Variants in CRYBG1 observed in about 807,000 individuals in gnomAD.
The protein encoded by CRYBG1 is crystallin beta-gamma domain containing 1.
Under a neutral mutation model 189.2 loss-of-function variants are expected in CRYBG1, and 139 were observed. That is an observed-to-expected ratio of 0.73 (90% confidence interval 0.64 to 0.85). The LOEUF (loss-of-function observed/expected upper bound fraction) is 0.85. CRYBG1 is among the 40% of genes least tolerant of loss of function. The probability of loss-of-function intolerance (pLI) is 0.00; values close to 1 mark genes in which losing one functional copy is unlikely to be tolerated. For synonymous variants in CRYBG1, 1,023 were observed against 1,017.1 expected, an observed-to-expected ratio of 1.01 and a Z score of -0.11; for missense variants, 2,611 against 2,675.8, an observed-to-expected ratio of 0.98 and a Z score of 0.53.
chr6:106,484,604 G>C (rs774804523), intron 2 of CRYBG1, among the ~76,000 whole-genome samples: 1 of 152,208 alleles, frequency 6.6e-6, no homozygotes, highest in Non-Finnish European at 1.5e-5. Context: ...ACAGGTGTGA[G>C]CCACAGCACC....
chr6:106,479,880 G>T (rs903601671), intron 2 of CRYBG1, among the ~76,000 whole-genome samples: 1 of 152,080 alleles, frequency 6.6e-6, no homozygotes, highest in Non-Finnish European at 1.5e-5. Flanking sequence ...GCATTTTCTT[G>T]AAAGTGTCCT....
intron 2 of CRYBG1, among the ~76,000 whole-genome samples, chr6:106,500,809 A>C (rs940093754): frequency 1.3e-5 from 2 of 152,206 alleles, no homozygotes; most frequent in African/African-American, 4.8e-5. Flanking sequence ...GTTTATCCTT[A>C]AAATAATCCA....
rs1013389023 is a variant in CRYBG1 at position 106,570,829 on chromosome 6, T to A, written c.*2263T>A. On this transcript the variant is annotated 3_prime_UTR_variant, in exon 22 of 22. Transcript: ENST00000633556. ...TTTAGAGAAAAGCCTACATCTAACA[T>A]ACATGCTACCAAACGAGTGTCTAAC... 2.0e-5 allele frequency: 3 copies of A among 152,148 alleles called. No individual in the cohort carries two copies. Among genetic ancestry groups the A allele is most frequent in the African/African-American group, 7.2e-5 (3 of 41,422 alleles). 9.4% of individuals were successfully genotyped at this position (152,148 alleles called of 1,614,324 possible). A position where few individuals can be genotyped will look rare whatever the true frequency, so the allele number is the denominator to read the frequency against.
intron 1 of CRYBG1, among the ~76,000 whole-genome samples, chr6:106,436,345 C>A (rs1362916496): frequency 2.7e-5 from 4 of 146,298 alleles, no homozygotes; most frequent in South Asian, 2.1e-4. Context: ...GTTGCCTAGG[C>A]TGGAGTGCAG....
At chr6:106,376,005 TCTC>T (rs1770156434) in intron 1 of CRYBG1, among the ~76,000 whole-genome samples, 1 of 152,236 alleles carries the variant, frequency 6.6e-6, no homozygotes, top group African/African-American at 2.4e-5. Flanking sequence ...TATTTCTCTC[TCTC>T]TCTGTCAAAA....
At chr6:106,364,975 T>C (rs554934582) in intron 1 of CRYBG1, among the ~76,000 whole-genome samples, 3 of 152,328 alleles carry the variant, frequency 2.0e-5, no homozygotes, top group African/African-American at 4.8e-5. Flanking sequence ...CAATGGGAGT[T>C]GTTTCTCTTT....
chr6:106,507,954 C>G (rs1773166617), intron 2 of CRYBG1, among the ~76,000 whole-genome samples: 7 of 152,194 alleles, frequency 4.6e-5, no homozygotes. Context: ...TCATTAAGAA[C>G]TGCATAACGT....
At chr6:106,386,617 T>C (rs1039632078) in intron 1 of CRYBG1, among the ~76,000 whole-genome samples, 2 of 132,958 alleles carry the variant, frequency 1.5e-5, no homozygotes, top group Admixed American at 1.5e-4. Flanking sequence ...CCTCAGATCA[T>C]CAGGCATTAG....
intron 1 of CRYBG1, among the ~76,000 whole-genome samples, chr6:106,448,066 CCTGGGACGGCCTGAGTTTCCGGGG>C (rs1203499443): frequency 6.6e-6 from 1 of 152,168 alleles, no homozygotes; most frequent in African/African-American, 2.4e-5. Context: ...AGAACATGCT[CCTGGGACGGCCTGAGTTTCCGGGG>C]CTGGGCAAGA....
chr6:106,430,349 C>T (rs1771301592), intron 1 of CRYBG1, among the ~76,000 whole-genome samples: 1 of 152,024 alleles, frequency 6.6e-6, no homozygotes, highest in Non-Finnish European at 1.5e-5. Flanking sequence ...TGCAGTAAGC[C>T]ATGATGGTGC....
At chr6:106,483,910 A>T (rs1017292500) in intron 2 of CRYBG1, among the ~76,000 whole-genome samples, 6 of 152,158 alleles carry the variant, frequency 3.9e-5, no homozygotes, top group Admixed American at 6.5e-5. Context: ...AATCTTATTT[A>T]AAAAAATCTC....
At position 106,536,753 on chromosome 6, in the gene CRYBG1, G is replaced by A. The variant is rs868052186; in HGVS notation, c.4719-2650G>A. On this transcript the variant is annotated intron_variant, in intron 8 of 21. Coordinates refer to ENST00000633556, the MANE Select transcript of CRYBG1 (RefSeq NM_001371242.2). ...TATAATCATACTGTTTGTTAAGTAC[G>A]ACAATAAAGTTGTACTTTTTAATCT... Among the ~76,000 whole-genome samples the A allele has an allele frequency of 1.9e-4, 29 of 152,226 alleles. 1 individual carries two copies. In the Middle Eastern group the frequency reaches 0.024, roughly 125 times the overall value.
At chr6:106,563,692 C>T in intron 20 of CRYBG1, 72 bp from the exon 21 acceptor site, 1 of 1,482,830 alleles carries the variant, frequency 6.7e-7, no homozygotes, top group African/African-American at 1.4e-5. Flanking sequence ...CCCAATGTAA[C>T]CAGAGAAATA....
chr6:106,490,104 C>T (rs1772686043), intron 2 of CRYBG1, among the ~76,000 whole-genome samples: 2 of 152,222 alleles, frequency 1.3e-5, no homozygotes, highest in Admixed American at 6.5e-5. Context: ...TTACAGTTGT[C>T]ATTTCCCTCT....
chr6:106,461,169 T>C (rs1358314132), intron 2 of CRYBG1, among the ~76,000 whole-genome samples: 1 of 152,212 alleles, frequency 6.6e-6, no homozygotes, highest in Non-Finnish European at 1.5e-5. Flanking sequence ...CATCAGGAAC[T>C]GAAAGCATTT....
At chr6:106,388,578 T>C (rs1226513758) in intron 1 of CRYBG1, among the ~76,000 whole-genome samples, 1 of 152,222 alleles carries the variant, frequency 6.6e-6, no homozygotes, top group Non-Finnish European at 1.5e-5. Flanking sequence ...AGCAGGAGCC[T>C]CTTAAAAAGG....
chr6:106,360,808 G>A lies in CRYBG1; in HGVS notation c.-101G>A. On this transcript the variant is annotated 5_prime_UTR_variant, in exon 1 of 22. Coordinates refer to ENST00000633556, the MANE Select transcript of CRYBG1 (RefSeq NM_001371242.2). ...AGGGGGCGGGGTCCCACGGCGCGCT[G>A]AGAAAGGCGGGCGAGCTGGCGCTCA... 7.3e-7 allele frequency: 1 copy of A among 1,360,734 alleles called. No homozygotes were observed. Among genetic ancestry groups the A allele is most frequent in the South Asian group, 1.6e-5 (1 of 63,728 alleles). 84.3% of individuals were successfully genotyped at this position (1,360,734 alleles called of 1,614,324 possible). A position where few individuals can be genotyped will look rare whatever the true frequency, so the allele number is the denominator to read the frequency against.
chr6:106,406,912 A>T (rs1448088803), intron 1 of CRYBG1, among the ~76,000 whole-genome samples: 1 of 152,252 alleles, frequency 6.6e-6, no homozygotes, highest in Non-Finnish European at 1.5e-5. Flanking sequence ...AACAACCAGT[A>T]CCAGACACTG....
At chr6:106,424,230 A>G (rs1347110614) in intron 1 of CRYBG1, among the ~76,000 whole-genome samples, 1 of 152,036 alleles carries the variant, frequency 6.6e-6, no homozygotes, top group Non-Finnish European at 1.5e-5. Context: ...AATAAAATGT[A>G]TTTTTTTCTC....
Sources: gnomAD v4.1 joint callset for allele counts (sites outside exome capture counted in the v4.1 genomes callset) on GRCh38, gnomAD v4.1.1 for gene constraint, MANE v1.5 for transcripts, NCBI Gene and HGNC (gene_info 2026-07-23, HGNC 2026-07-21) for gene names.